The following FRS2 variants were observed in gnomAD, a reference collection of about 807,000 sequenced individuals.
FRS2 encodes fibroblast growth factor receptor substrate 2, also known as FGFR signalling adaptor.
A neutral mutation model predicts 43.9 loss-of-function variants in FRS2; 8 were observed. That is an observed-to-expected ratio of 0.18 (90% confidence interval 0.11 to 0.33). The LOEUF is 0.33. Among genes scored for constraint, FRS2 ranks in the 10% least tolerant of loss-of-function variants. The pLI, the probability that FRS2 is intolerant of heterozygous loss-of-function variation, is 1.00. For missense variants in FRS2, 534 were observed against 627.6 expected (o/e 0.85, Z 1.59); for synonymous variants, 219 against 220.3 (o/e 0.99, Z 0.05).
chr12:69,500,122 T>C (rs1279560629), intron 1 of FRS2, among the ~76,000 whole-genome samples: 1 of 152,152 alleles, frequency 6.6e-6, no homozygotes, highest in Non-Finnish European at 1.5e-5. Flanking sequence ...TAGTTGGCAA[T>C]GGCAACATTA....
chr12:69,551,508 T>C (rs1440910094), intron 3 of FRS2, among the ~76,000 whole-genome samples: 1 of 152,190 alleles, frequency 6.6e-6, no homozygotes, highest in African/African-American at 2.4e-5. Context: ...TCCAGATAAA[T>C]ATGAAGGAAA....
chr12:69,470,798 C>T (rs1870200637), intron 1 of FRS2, among the ~76,000 whole-genome samples: 1 of 149,342 alleles, frequency 6.7e-6, no homozygotes, highest in Non-Finnish European at 1.5e-5. Flanking sequence ...TGGGCTGGGC[C>T]TCTGTTCGTC....
rs200682497 is a variant in FRS2 at position 69,517,043 on chromosome 12, TG to T, written c.-260-13819del. On this transcript the variant is annotated intron_variant, in intron 1 of 8. Coordinates refer to ENST00000549921, the MANE Select transcript of FRS2 (RefSeq NM_001278356.2). ...AAATTTCACATCTGACCTCGTGTCA[TG>T]GGCTACAGTGAAAACACAGGCACAC... Among the ~76,000 whole-genome samples, 593 of 152,320 alleles carry T rather than the reference TG, an allele frequency of 3.9e-3. 3 individuals are homozygous for T. Among genetic ancestry groups the T allele is most frequent in the African/African-American group, 0.013 (539 of 41,562 alleles).
intron 3 of FRS2, among the ~76,000 whole-genome samples, chr12:69,557,537 T>C (rs181031136): frequency 4.6e-5 from 7 of 152,236 alleles, no homozygotes; most frequent in Non-Finnish European, 8.8e-5. Context: ...GTATTTGATT[T>C]CCCTGTATAT....
At chr12:69,545,755 C>CAAAAAAAA (rs60460901) in intron 3 of FRS2, among the ~76,000 whole-genome samples, 32 of 80,406 alleles carry the variant, frequency 4.0e-4, no homozygotes, top group African/African-American at 6.5e-4. Flanking sequence ...GACCCTGTCT[C>CAAAAAAAA]AAAAAAAAAA....
chr12:69,500,292 A>G (rs1243460099), intron 1 of FRS2, among the ~76,000 whole-genome samples: 5 of 152,226 alleles, frequency 3.3e-5, no homozygotes, highest in Non-Finnish European at 7.3e-5. Context: ...TTGAAAAGCT[A>G]TTAACTTTCT....
intron 1 of FRS2, among the ~76,000 whole-genome samples, chr12:69,514,518 GT>G (rs1022777418): frequency 6.6e-6 from 1 of 152,190 alleles, no homozygotes; most frequent in Admixed American, 6.5e-5. Context: ...GTGGGAAAGT[GT>G]TTAACCTTCT....
rs60086609 is a variant in FRS2, at chr12:69,520,085, T to G, written c.-260-10780T>G. On this transcript the variant is annotated intron_variant, in intron 1 of 8. Coordinates refer to ENST00000549921, the MANE Select transcript of FRS2 (RefSeq NM_001278356.2). ...TGCCAACACGTTATTTCTTGACTTCTTAATAATAGTCATTCTGACTGGTGC... is the reference window on the plus strand; with the variant it reads ...TGCCAACACGTTATTTCTTGACTTCGTAATAATAGTCATTCTGACTGGTGC... Among the ~76,000 whole-genome samples the G allele has an allele frequency of 6.7e-3, 1,028 of 152,346 alleles. 7 individuals carry two copies. The highest frequency in any genetic ancestry group is 0.024 in the African/African-American group (988 of 41,580).
chr12:69,569,556 A>G (rs150648355), intron 5 of FRS2, among the ~76,000 whole-genome samples: 93 of 152,310 alleles, frequency 6.1e-4, no homozygotes, highest in African/African-American at 2.0e-3. Flanking sequence ...AAATGCTGCT[A>G]TAGCTGTTTT....
chr12:69,502,850 G>T (rs1873580531), intron 1 of FRS2, among the ~76,000 whole-genome samples: 1 of 152,188 alleles, frequency 6.6e-6, no homozygotes, highest in Non-Finnish European at 1.5e-5. Flanking sequence ...GAAGCTAGAA[G>T]TAAATCTACC....
intron 1 of FRS2, among the ~76,000 whole-genome samples, chr12:69,477,992 C>T (rs1222264852): frequency 1.3e-5 from 2 of 151,898 alleles, no homozygotes; most frequent in African/African-American, 2.4e-5. Flanking sequence ...CCGCCCACCT[C>T]GGCCTCCCAA....
chr12:69,512,486 A>G (rs1334739393), intron 1 of FRS2, among the ~76,000 whole-genome samples: 1 of 152,224 alleles, frequency 6.6e-6, no homozygotes, highest in African/African-American at 2.4e-5. Context: ...TACATTTAGT[A>G]TAAGAATCAA....
chr12:69,551,533 C>T (rs1289422829), intron 3 of FRS2, among the ~76,000 whole-genome samples: 1 of 152,132 alleles, frequency 6.6e-6, no homozygotes, highest in East Asian at 1.9e-4. Context: ...ACCATGAAAC[C>T]TTTAGAGGAA....
intron 4 of FRS2, among the ~76,000 whole-genome samples, chr12:69,566,690 T>C (rs1460972204): frequency 6.6e-6 from 1 of 152,130 alleles, no homozygotes; most frequent in African/African-American, 2.4e-5. Context: ...CAAGATTTCC[T>C]GTCTTTAAAG....
chr12:69,470,835 C>G (rs927619841), intron 1 of FRS2, among the ~76,000 whole-genome samples: 1 of 152,126 alleles, frequency 6.6e-6, no homozygotes, highest in Non-Finnish European at 1.5e-5. Flanking sequence ...TGTGTGCTGC[C>G]CCAAACCTCG....
intron 1 of FRS2, among the ~76,000 whole-genome samples, chr12:69,472,269 T>C (rs1870377097): frequency 6.9e-6 from 1 of 144,590 alleles, no homozygotes; most frequent in Non-Finnish European, 1.6e-5. Flanking sequence ...TTTTTTTTTT[T>C]TTTTGTAGAG....
chr12:69,555,464 A>T (rs547774957), intron 3 of FRS2, among the ~76,000 whole-genome samples: 2 of 152,324 alleles, frequency 1.3e-5, no homozygotes, highest in South Asian at 4.1e-4. Context: ...ATGTGCTCGG[A>T]TGCAAACTTT....
At chr12:69,572,975 C>T (rs1283404098) in intron 8 of FRS2, among the ~76,000 whole-genome samples, 4 of 152,248 alleles carry the variant, frequency 2.6e-5, no homozygotes, top group Middle Eastern at 6.8e-3. Context: ...GGATTACAGG[C>T]GCAGGCCACC....
At chr12:69,572,668 T>C (rs531191266) in intron 8 of FRS2, among the ~76,000 whole-genome samples, 1 of 152,360 alleles carries the variant, frequency 6.6e-6, no homozygotes, top group Non-Finnish European at 1.5e-5. Context: ...TATGGAGTTA[T>C]TTAGTGTTCC....
Sources: gnomAD v4.1 joint callset for allele counts (sites outside exome capture counted in the v4.1 genomes callset) on GRCh38, gnomAD v4.1.1 for gene constraint, MANE v1.5 for transcripts, NCBI Gene and HGNC (gene_info 2026-07-23, HGNC 2026-07-21) for gene names.